The following COQ8A variants were observed in gnomAD, a reference collection of about 807,000 sequenced individuals.
COQ8A encodes coenzyme Q8A, also known as atypical kinase COQ8A, mitochondrial.
In COQ8A, 51 loss-of-function variants were observed where a neutral mutation model predicts 65.0. The ratio of observed to expected loss-of-function variants is 0.78; its 90% CI spans 0.63 to 0.99. The LOEUF (loss-of-function observed/expected upper bound fraction) is 0.99, where lower values mean the gene tolerates loss of function less well. COQ8A is among the 50% of genes least tolerant of loss of function. The pLI is 0.00. For synonymous variants in COQ8A, 371 were observed against 353.2 expected, an observed-to-expected ratio of 1.05 and a Z score of -0.57; for missense variants, 940 against 875.0, an observed-to-expected ratio of 1.07 and a Z score of -0.94.
At position 226,964,988 on chromosome 1, in the gene COQ8A, T is replaced by TG; in HGVS notation, c.178-11dup. 6.2e-7 allele frequency: 1 copy of TG among 1,613,708 alleles called. No individual in the cohort carries two copies. ...CTCTTGCTCTCCTAATGCTGGCCTT[T>TG]GCTCCCTGCAGGGTCAGGATAAACA... On this transcript the variant is annotated splice_polypyrimidine_tract_variant and intron_variant, in intron 2 of 14. Coordinates refer to ENST00000366777, the MANE Select transcript of COQ8A (RefSeq NM_020247.5).
intron 8 of COQ8A, 171 bp downstream of exon 8, chr1:226,983,205 G>T: frequency 9.2e-7 from 1 of 1,090,080 alleles, no homozygotes; most frequent in Non-Finnish European, 1.3e-6. Context: ...AGAAGCTTGG[G>T]AAGTATTTGC....
At chr1:226,969,013 T>C (rs940460056) in intron 4 of COQ8A, among the ~76,000 whole-genome samples, 16 of 151,286 alleles carry the variant, frequency 1.1e-4, no homozygotes, top group African/African-American at 3.9e-4. Context: ...CGTGGTTTTC[T>C]CTTTTGTAAA....
chr1:226,972,631 C>T lies in COQ8A; in HGVS notation c.656-4818C>T, dbSNP rs1393830617. On this transcript the variant is annotated intron_variant, in intron 4 of 14. Coordinates refer to ENST00000366777, the MANE Select transcript of COQ8A (RefSeq NM_020247.5). The surrounding 1 kb of genome is among the most constrained non-coding windows in gnomAD (Gnocchi z 4.3). ...GCTTAATTTCCCAAAGATGCCAGTA[C>T]ACTTCGGATACTGTTAATACACCAG... Among the ~76,000 whole-genome samples the T allele has an allele frequency of 1.3e-5, 2 of 152,154 alleles. No individual in the cohort carries two copies. Among genetic ancestry groups the T allele is most frequent in the Admixed American group, 6.5e-5 (1 of 15,272 alleles).
In COQ8A at chr1:226,986,728, C is replaced by T. The variant is rs1660144067; in HGVS notation, c.1935C>T (p.Ala645=). The part of the protein sequence containing the change: ...EAYSNYCKRQ[A]QQ ...ACAGCAACTACTGCAAGAGGCAGGC[C>T]CAGCAGTAGGGCTGCGGGCCACGCC... Residue 645 remains alanine, a synonymous_variant, in exon 15 of 15, where the codon GCC becomes GCT. Transcript: ENST00000366777. 6.2e-7 allele frequency: 1 copy of T among 1,613,232 alleles called. No individual in the cohort carries two copies. Among genetic ancestry groups the T allele is most frequent in the Non-Finnish European group, 8.5e-7 (1 of 1,180,012 alleles).
At position 226,982,032 on chromosome 1, in the gene COQ8A, A is replaced by G. The variant is rs751231583; in HGVS notation, c.736A>G (p.Lys246Glu). 6.2e-7 allele frequency: 1 copy of G among 1,612,766 alleles called. No individual in the cohort carries two copies. Among genetic ancestry groups the G allele is most frequent in the African/African-American group, 1.3e-5 (1 of 74,924 alleles). The change falls in exon 6 of 15, where the codon AAG becomes GAG. Residue 246 changes from lysine (K) to glutamate (E), a missense_variant. By Grantham distance (56) the Lys-to-Glu change is moderately conservative (BLOSUM62 1). Coordinates refer to ENST00000366777, the MANE Select transcript of COQ8A (RefSeq NM_020247.5). Reference sequence around the variant, plus strand: ...CCCCTCTTGCCCGCCCACAGGGAAGAAGGCCGTGCTGGGTTCCAGTCCTTT... The same window carrying G: ...CCCCTCTTGCCCGCCCACAGGGAAGGAGGCCGTGCTGGGTTCCAGTCCTTT... Reference protein sequence around the residue: ...SLRSEDPSGKKAVLGSSPFLS... With the variant: ...SLRSEDPSGKEAVLGSSPFLS...
intron 1 of COQ8A, among the ~76,000 whole-genome samples, chr1:226,957,281 G>GGGCCCCCC: frequency 3.4e-5 from 1 of 29,224 alleles, no homozygotes; most frequent in South Asian, 1.2e-3. Flanking sequence ...CACTCTCCCT[G>GGGCCCCCC]CCCCCCCCCC....
intron 5 of COQ8A, among the ~76,000 whole-genome samples, chr1:226,978,568 ACAC>A (rs1558201662): frequency 7.1e-5 from 5 of 70,344 alleles, no homozygotes; most frequent in East Asian, 6.1e-4. Flanking sequence ...CCACAGCCAC[ACAC>A]CACCTTACAC....
intron 8 of COQ8A, 44 bp from the exon 9 acceptor site, chr1:226,983,508 C>T (rs1218500831): frequency 2.0e-5 from 31 of 1,574,702 alleles, no homozygotes; most frequent in Non-Finnish European, 2.5e-5. Flanking sequence ...AGGGCCCACC[C>T]GTCTCCCTGG....
chr1:226,982,196 G>T (rs116286528), intron 6 of COQ8A, 47 bp downstream of exon 6: 4 of 1,542,640 alleles, frequency 2.6e-6, no homozygotes, highest in South Asian at 1.2e-5. Flanking sequence ...TGGGCTGCTG[G>T]GGGGGTCAAC....
intron 6 of COQ8A, chr1:226,982,424 C>A (rs1254739887): frequency 1.5e-6 from 1 of 647,248 alleles, no homozygotes; most frequent in Non-Finnish European, 2.6e-6. Context: ...TTCCAAATTT[C>A]TTTTGTAATT....
intron 1 of COQ8A, among the ~76,000 whole-genome samples, chr1:226,960,250 GTGGTGGTGGTGGTGGTACT>G (rs1452003191): frequency 6.3e-5 from 9 of 142,580 alleles, no homozygotes; most frequent in East Asian, 4.2e-4. Flanking sequence ...GTGGTCCTTG[GTGGTGGTGGTGGTGGTACT>G]TGGTGGCGGT....
Position 226,965,268 on chromosome 1 carries a change from C to T in COQ8A, c.446C>T (p.Pro149Leu), listed in dbSNP as rs866764988. The T allele has an allele frequency of 1.9e-6, 3 of 1,614,024 alleles. No individual in the cohort carries two copies. The highest frequency in any genetic ancestry group is 1.6e-4 in the Middle Eastern group (1 of 6,062). Residue 149 changes from proline (P) to leucine (L), a missense_variant, in exon 3 of 15, where the codon CCC becomes CTC. Physicochemically the swap from Pro to Leu is moderately conservative, Grantham distance 98. Coordinates refer to ENST00000366777, the MANE Select transcript of COQ8A (RefSeq NM_020247.5). ...GRANGRLFAN[P>L]RDSFSAMGFQ... Reference sequence around the variant, plus strand: ...GCCAACGGGAGGCTCTTTGCAAACCCCAGAGACTCATTCTCTGCCATGGGC... The same window carrying T: ...GCCAACGGGAGGCTCTTTGCAAACCTCAGAGACTCATTCTCTGCCATGGGC...
intron 4 of COQ8A, among the ~76,000 whole-genome samples, chr1:226,969,992 A>G (rs1442960111): frequency 6.6e-6 from 1 of 151,974 alleles, no homozygotes; most frequent in Non-Finnish European, 1.5e-5. Flanking sequence ...TTTTGGAGAC[A>G]GTCTCGCTCG....
At chr1:226,985,120 A>G in intron 13 of COQ8A, 134 bp from the exon 14 acceptor site, 1 of 1,267,484 alleles carries the variant, frequency 7.9e-7, no homozygotes, top group South Asian at 1.2e-5. Context: ...GCGTGGTGTC[A>G]CAGCACTGGC....
Position 226,982,721 on chromosome 1 carries a change from G to C in COQ8A, c.897G>C (p.Arg299=). Residue 299 remains arginine, a synonymous_variant, in exon 7 of 15, where the codon CGG becomes CGC. Transcript: ENST00000366777. ...CCCACCTGGCTAAGATCTTCGAGCG[G>C]GTGCGGCAGAGCGCGGACTTCATGC... is the stretch of plus-strand genomic sequence containing the variant. ...INPHLAKIFE[R]VRQSADFMPL... is the part of the protein sequence containing the mutation. 6.2e-7 allele frequency: 1 copy of C among 1,613,702 alleles called. No homozygotes were observed. Among genetic ancestry groups the C allele is most frequent in the Non-Finnish European group, 8.5e-7 (1 of 1,180,032 alleles).
intron 1 of COQ8A, among the ~76,000 whole-genome samples, chr1:226,952,991 C>T (rs1469464776): frequency 6.6e-6 from 1 of 151,860 alleles, no homozygotes; most frequent in African/African-American, 2.4e-5. Flanking sequence ...AATACACTTT[C>T]TTATTTGTCA....
chr1:226,982,562 C>T (rs1433429130), intron 6 of COQ8A, 116 bp from the exon 7 acceptor site: 26 of 1,126,410 alleles, frequency 2.3e-5, no homozygotes, highest in East Asian at 4.8e-5. Context: ...TGGCCTCACC[C>T]GTGCTCCTGG....
intron 6 of COQ8A, 163 bp from the exon 7 acceptor site, chr1:226,982,515 G>C (rs1290908218): frequency 3.8e-6 from 3 of 794,636 alleles, no homozygotes; most frequent in Non-Finnish European, 6.4e-6. Flanking sequence ...GGGAAGCTGA[G>C]TGGCCGAGGG....
chr1:226,953,108 C>A (rs529860101), intron 1 of COQ8A, among the ~76,000 whole-genome samples: 2 of 152,326 alleles, frequency 1.3e-5, no homozygotes, highest in South Asian at 4.1e-4. Context: ...TGGCTCACTG[C>A]AGCTTCCGCC....
Sources: allele counts gnomAD v4.1 joint callset (sites outside exome capture counted in the v4.1 genomes callset), GRCh38; gene constraint gnomAD v4.1.1; non-coding constraint Gnocchi (gnomAD v3.1); transcripts MANE v1.5; gene names NCBI Gene and HGNC (gene_info 2026-07-23, HGNC 2026-07-21).